The following PRIM2 variants were observed in gnomAD, a reference collection of about 807,000 sequenced individuals.
PRIM2 encodes the protein DNA primase large subunit.
A neutral mutation model predicts 67.3 loss-of-function variants in PRIM2; 39 were observed. That is an observed-to-expected ratio of 0.58 (90% CI 0.45 to 0.76). The LOEUF (loss-of-function observed/expected upper bound fraction) is 0.76. PRIM2 is among the 30% of genes least tolerant of loss of function. The probability of loss-of-function intolerance (pLI) is 0.00; values close to 1 mark genes in which losing one functional copy is unlikely to be tolerated. For missense variants in PRIM2, 398 were observed against 598.7 expected, an observed-to-expected ratio of 0.66 and a Z score of 3.50; for synonymous variants, 143 against 198.7, an observed-to-expected ratio of 0.72 and a Z score of 2.36.
intron 3 of PRIM2, among the ~76,000 whole-genome samples, chr6:57,321,286 A>G (rs1767646349): frequency 6.6e-6 from 1 of 152,190 alleles, no homozygotes; most frequent in South Asian, 2.1e-4. Flanking sequence ...TTGAGATGTG[A>G]TATGCAGGAG....
the PRIM2 span, among the ~76,000 whole-genome samples, chr6:57,301,537 C>T: frequency 6.6e-6 from 1 of 151,998 alleles, no homozygotes; most frequent in African/African-American, 2.4e-5. Context: ...TGCAGTGGCT[C>T]ACGCCTGTAA....
chr6:57,257,569 A>G, the PRIM2 span, among the ~76,000 whole-genome samples: 6 of 152,030 alleles, frequency 3.9e-5, no homozygotes, highest in African/African-American at 1.4e-4. Context: ...TCGCGCCCAG[A>G]CTGTAGGCAT....
chr6:57,455,451 T>C (rs1414395464), intron 7 of PRIM2, among the ~76,000 whole-genome samples: 3 of 152,230 alleles, frequency 2.0e-5, no homozygotes, highest in Admixed American at 2.0e-4. Context: ...AAGGACTTGC[T>C]TTATGATTCT....
At chr6:57,342,059 T>C (rs1768511636) in intron 5 of PRIM2, among the ~76,000 whole-genome samples, 1 of 152,246 alleles carries the variant, frequency 6.6e-6, no homozygotes, top group South Asian at 2.1e-4. Context: ...TGAGTTGTAT[T>C]GTGTCCTTCG....
intron 7 of PRIM2, among the ~76,000 whole-genome samples, chr6:57,467,040 G>A (rs1291123525): frequency 2.7e-5 from 4 of 146,492 alleles, no homozygotes; most frequent in Non-Finnish European, 6.0e-5. Context: ...GGGAAGCGGA[G>A]GTTGCAGTGA....
chr6:57,350,578 C>CTCT (rs1768828971), intron 5 of PRIM2, among the ~76,000 whole-genome samples: 1 of 152,090 alleles, frequency 6.6e-6, no homozygotes, highest in African/African-American at 2.4e-5. Flanking sequence ...TCGGGGTGAT[C>CTCT]TCTTTCCCTT....
At position 57,335,718 on chromosome 6, in the gene PRIM2, T is replaced by C. The variant is rs554831778; in HGVS notation, c.459+9673T>C. On this transcript the variant is annotated intron_variant, in intron 5 of 13. Coordinates refer to ENST00000615550, the MANE Select transcript of PRIM2 (RefSeq NM_000947.5). ...ACACCAAAAACCCATCTGTACACCATCATCAAAGACCAAAAGTAGATAAAA... is the reference window on the plus strand; with the variant it reads ...ACACCAAAAACCCATCTGTACACCACCATCAAAGACCAAAAGTAGATAAAA... Among the ~76,000 whole-genome samples, 839 of 151,702 alleles carry C rather than the reference T, an allele frequency of 5.5e-3. 7 individuals carry two copies. Among genetic ancestry groups the C allele is most frequent in the African/African-American group, 0.019 (803 of 41,354 alleles).
chr6:57,381,605 G>T (rs559243295), intron 6 of PRIM2, among the ~76,000 whole-genome samples: 2,082 of 151,410 alleles, frequency 0.014, 46 homozygotes, highest in African/African-American at 0.048. Flanking sequence ...GAAGAAATTG[G>T]AATTTACTTA....
At chr6:57,345,870 G>A (rs74536118) in intron 5 of PRIM2, among the ~76,000 whole-genome samples, 27 of 152,290 alleles carry the variant, frequency 1.8e-4, no homozygotes, top group South Asian at 1.5e-3. Flanking sequence ...GACAATTCCC[G>A]GAACTCTGGG....
In PRIM2 at chr6:57,333,012, G is replaced by A. The variant is rs1768106909; in HGVS notation, c.459+6967G>A. Among the ~76,000 whole-genome samples, 3 of 151,892 alleles carry A rather than the reference G, an allele frequency of 2.0e-5. 1 individual carries two copies. In the South Asian group the frequency reaches 6.2e-4, roughly 31 times the overall value. On this transcript the variant is annotated intron_variant, in intron 5 of 13. Coordinates refer to ENST00000615550, the MANE Select transcript of PRIM2 (RefSeq NM_000947.5). The stretch of plus-strand genomic sequence containing the variant: ...AGTGTACCATTTTAATTCCTTTGCT[G>A]TTTATTTTACTGTATTTTTTGAGTT...
At chr6:57,376,936 G>A (rs1186980116) in intron 5 of PRIM2, among the ~76,000 whole-genome samples, 1 of 152,086 alleles carries the variant, frequency 6.6e-6, no homozygotes, top group Non-Finnish European at 1.5e-5. Context: ...GGAGTGCAGT[G>A]GCACAATCTG....
intron 10 of PRIM2, among the ~76,000 whole-genome samples, chr6:57,547,175 A>C (rs1337484423): frequency 1.3e-5 from 2 of 152,206 alleles, no homozygotes; most frequent in African/African-American, 4.8e-5. Context: ...TATAATTTAC[A>C]AGCCTGTCTA....
At chr6:57,548,679 G>A (rs1775337988) in intron 10 of PRIM2, among the ~76,000 whole-genome samples, 1 of 152,164 alleles carries the variant, frequency 6.6e-6, no homozygotes, top group Admixed American at 6.5e-5. Flanking sequence ...TTTGTTGAAT[G>A]ACTGAAAGAA....
At chr6:57,395,278 A>T (rs1236212454) in intron 7 of PRIM2, among the ~76,000 whole-genome samples, 1 of 152,160 alleles carries the variant, frequency 6.6e-6, no homozygotes, top group South Asian at 2.1e-4. Flanking sequence ...TCTGCTGTGA[A>T]TCCATCTGGT....
At chr6:57,418,382 G>GGGTTTTTTTTTTTTTT (rs1771343346) in intron 7 of PRIM2, among the ~76,000 whole-genome samples, 1 of 30,598 alleles carries the variant, frequency 3.3e-5, no homozygotes, top group Non-Finnish European at 6.3e-5. Flanking sequence ...CTATGTGTGT[G>GGGTTTTTTTTTTTTTT]GTTTTTTTTT....
intron 7 of PRIM2, among the ~76,000 whole-genome samples, chr6:57,392,015 G>GT (rs57916012): frequency 6.6e-6 from 1 of 152,124 alleles, no homozygotes; most frequent in Non-Finnish European, 1.5e-5. Context: ...AGCATGGGAT[G>GT]TTTTTCCATT....
intron 5 of PRIM2, among the ~76,000 whole-genome samples, chr6:57,334,781 A>AT: frequency 6.6e-6 from 1 of 152,294 alleles, no homozygotes; most frequent in East Asian, 1.9e-4. Flanking sequence ...ATTACGGAGG[A>AT]TACAGAAGCA....
chr6:57,515,252 C>G (rs1774458879), intron 8 of PRIM2, among the ~76,000 whole-genome samples: 1 of 152,120 alleles, frequency 6.6e-6, no homozygotes, highest in Non-Finnish European at 1.5e-5. Flanking sequence ...ATATGTATAG[C>G]TTTTGGGATT....
At chr6:57,467,490 T>C (rs1347309516) in intron 7 of PRIM2, among the ~76,000 whole-genome samples, 1 of 152,222 alleles carries the variant, frequency 6.6e-6, no homozygotes, top group Non-Finnish European at 1.5e-5. Context: ...TCTATATATC[T>C]CTTTTGGTAC....
Sources: allele counts gnomAD v4.1 joint callset (sites outside exome capture counted in the v4.1 genomes callset), GRCh38; gene constraint gnomAD v4.1.1; transcripts MANE v1.5; gene names NCBI Gene and HGNC (gene_info 2026-07-23, HGNC 2026-07-21).